The following PCSK6 variants were observed in gnomAD, a reference collection of about 807,000 sequenced individuals.
PCSK6 encodes paired basic amino acid cleaving enzyme 4.
In PCSK6, 85 loss-of-function variants were observed where a neutral mutation model predicts 123.3. The ratio of observed to expected loss-of-function variants is 0.69; its 90% CI spans 0.58 to 0.83. PCSK6 has a LOEUF of 0.83. Among genes scored for constraint, PCSK6 ranks in the 40% least tolerant of loss-of-function variants. The pLI is 0.00. For synonymous variants in PCSK6, 508 were observed against 516.0 expected (o/e 0.98, Z 0.21); for missense variants, 1,191 against 1,282.3 (o/e 0.93, Z 1.09).
At position 101,322,712 on chromosome 15, in the gene PCSK6, T is replaced by C. The variant is rs2040156269; in HGVS notation, c.2378-105A>G. The C allele has an allele frequency of 4.2e-6, 3 of 720,308 alleles. No individual in the cohort carries two copies. The East Asian group carries it at 8.0e-5, about 19-fold the overall frequency. 44.6% of individuals were successfully genotyped at this position (720,308 alleles called of 1,614,324 possible). On this transcript the variant is annotated intron_variant, in intron 17 of 21. Coordinates refer to ENST00000611716, the MANE Select transcript of PCSK6 (RefSeq NM_002570.5). ...TTTCAAAGCGGGGGTGCGGGTGGGCTGTTCCCCGAGTCCACCTCCGGAATG... is the reference window on the plus strand; with the variant it reads ...TTTCAAAGCGGGGGTGCGGGTGGGCCGTTCCCCGAGTCCACCTCCGGAATG...
At chr15:101,405,932 G>T (rs988800526) in intron 6 of PCSK6, among the ~76,000 whole-genome samples, 1 of 152,114 alleles carries the variant, frequency 6.6e-6, no homozygotes, top group Non-Finnish European at 1.5e-5. Flanking sequence ...TAGTAGAGAT[G>T]GGGCTTCGCC....
At chr15:101,428,109 C>A (rs1368816995) in intron 5 of PCSK6, 129 bp from the exon 6 acceptor site, 4 of 744,922 alleles carry the variant, frequency 5.4e-6, no homozygotes, top group Non-Finnish European at 8.9e-6. Context: ...AAGCCCATTT[C>A]CTGCATCCCC....
chr15:101,320,259 T>A (rs1476180878), intron 18 of PCSK6, among the ~76,000 whole-genome samples: 5 of 152,202 alleles, frequency 3.3e-5, no homozygotes, highest in Admixed American at 6.5e-5. Flanking sequence ...CTATTTTTTT[T>A]ATTTTTAGTA....
intron 11 of PCSK6, among the ~76,000 whole-genome samples, chr15:101,378,137 C>A (rs1260047843): frequency 6.6e-6 from 1 of 152,162 alleles, no homozygotes; most frequent in Non-Finnish European, 1.5e-5. Flanking sequence ...GCTTAATTTT[C>A]TTTTTCATTT....
intron 1 of PCSK6, among the ~76,000 whole-genome samples, chr15:101,447,076 TGC>T (rs2056911164): frequency 6.6e-6 from 1 of 152,176 alleles, no homozygotes; most frequent in South Asian, 2.1e-4. Flanking sequence ...CGGATGATGC[TGC>T]GTTTATGATA....
chr15:101,368,976 C>T (rs1010523895), intron 12 of PCSK6, among the ~76,000 whole-genome samples: 1 of 152,234 alleles, frequency 6.6e-6, no homozygotes, highest in African/African-American at 2.4e-5. Flanking sequence ...CTCCCACAGG[C>T]AGAGGCACAG....
intron 13 of PCSK6, among the ~76,000 whole-genome samples, chr15:101,345,429 T>C (rs903153435): frequency 2.0e-5 from 3 of 151,944 alleles, no homozygotes; most frequent in Non-Finnish European, 2.9e-5. Flanking sequence ...ATGAAGAAAA[T>C]AAAATCAAAC....
intron 13 of PCSK6, among the ~76,000 whole-genome samples, chr15:101,335,459 T>A (rs2040458009): frequency 6.6e-6 from 1 of 152,238 alleles, no homozygotes; most frequent in Non-Finnish European, 1.5e-5. Context: ...AATGCAAAAG[T>A]ATAAAAGTGC....
chr15:101,403,074 T>C (rs1365982974), intron 6 of PCSK6, among the ~76,000 whole-genome samples: 2 of 152,034 alleles, frequency 1.3e-5, no homozygotes, highest in Non-Finnish European at 1.5e-5. Flanking sequence ...ATATACGCCA[T>C]GGAATACTAT....
rs2056811211 is a variant in PCSK6 at position 101,443,562 on chromosome 15, G to T, written c.396C>A (p.Asp132Glu). The change falls in exon 2 of 22, where the codon GAC (aspartate) becomes GAA (glutamate). Residue 132 changes from aspartate (D) to glutamate (E), a missense_variant. Asp to Glu is a conservative substitution (Grantham distance 45). Transcript: ENST00000611716. ...GCATCCGGACACTCTGTACCTGGGG[G>T]TCCATTCTGAGGAAGGTGTGAGGGC... ...SRGPHTFLRM[D>E]PQVKWLQQQE... The T allele has an allele frequency of 1.2e-6, 2 of 1,610,306 alleles. No homozygotes were observed. Among genetic ancestry groups the T allele is most frequent in the Non-Finnish European group, 1.7e-6 (2 of 1,176,540 alleles).
intron 6 of PCSK6, among the ~76,000 whole-genome samples, chr15:101,426,174 G>A (rs1328467615): frequency 6.6e-6 from 1 of 152,216 alleles, no homozygotes; most frequent in Non-Finnish European, 1.5e-5. Context: ...CTCAGCAAGA[G>A]GGAAGGAGGA....
At chr15:101,369,058 T>A (rs1183926889) in intron 12 of PCSK6, among the ~76,000 whole-genome samples, 1 of 151,934 alleles carries the variant, frequency 6.6e-6, no homozygotes, top group Non-Finnish European at 1.5e-5. Context: ...GAATGTGGGA[T>A]GGGCTGAGCT....
intron 6 of PCSK6, among the ~76,000 whole-genome samples, chr15:101,423,144 G>C (rs1164054524): frequency 1.3e-5 from 2 of 152,046 alleles, no homozygotes; most frequent in Non-Finnish European, 2.9e-5. Flanking sequence ...ACATGTTAAA[G>C]AGTCTAGAAT....
In PCSK6 at chr15:101,342,300, G is replaced by C. The variant is rs1189945981; in HGVS notation, c.1859-10269C>G. Among the ~76,000 whole-genome samples the C allele has an allele frequency of 3.9e-5, 6 of 152,296 alleles. No homozygotes were observed. The East Asian group carries it at 1.2e-3, about 29-fold the overall frequency. Reference sequence around the variant, plus strand: ...ACTGTTATTAGATCCTTTTATCTGAGAAGTGTAAAGCTGTTCAATATTAAT... The same window carrying C: ...ACTGTTATTAGATCCTTTTATCTGACAAGTGTAAAGCTGTTCAATATTAAT... On this transcript the variant is annotated intron_variant, in intron 13 of 21. Transcript: ENST00000611716.
chr15:101,342,651 C>T (rs2040641234), intron 13 of PCSK6, among the ~76,000 whole-genome samples: 1 of 152,192 alleles, frequency 6.6e-6, no homozygotes, highest in African/African-American at 2.4e-5. Flanking sequence ...CCTGTAATCC[C>T]AGCACTTTGG....
In PCSK6 at chr15:101,489,366, G is replaced by T; in HGVS notation, c.297+8C>A. 1 of 1,183,962 alleles carries T rather than the reference G, an allele frequency of 8.4e-7. No homozygotes were observed. Among genetic ancestry groups the T allele is most frequent in the Non-Finnish European group, 1.1e-6 (1 of 951,914 alleles). The allele number at this position is 1,183,962 out of a possible 1,614,324, so 73.3% of individuals were successfully genotyped here. The stretch of plus-strand genomic sequence containing the variant: ...AAGTTTTGGGCGCGCGGGGCCGGCC[G>T]CACTCACCTGGCCCAAGTTGAGGTA... On this transcript the variant is annotated splice_region_variant and intron_variant, in intron 1 of 21. Coordinates refer to ENST00000611716, the MANE Select transcript of PCSK6 (RefSeq NM_002570.5).
chr15:101,488,494 G>C (rs1430520689), intron 1 of PCSK6, among the ~76,000 whole-genome samples: 1 of 152,208 alleles, frequency 6.6e-6, no homozygotes, highest in African/African-American at 2.4e-5. Context: ...GCCGAGGGCT[G>C]CGGGGCTGGG....
intron 16 of PCSK6, among the ~76,000 whole-genome samples, 174 bp downstream of exon 16, chr15:101,326,203 T>C (rs1241231040): frequency 1.3e-5 from 2 of 152,380 alleles, no homozygotes; most frequent in East Asian, 1.9e-4. Context: ...ACTTGCATGA[T>C]AGGAATGCCA....
chr15:101,489,375 T>C lies in PCSK6; in HGVS notation c.296A>G (p.Gln99Arg), dbSNP rs2058107692. The C allele has an allele frequency of 1.6e-6, 2 of 1,235,984 alleles. No homozygotes were observed. Among genetic ancestry groups the C allele is most frequent in the South Asian group, 1.6e-5 (1 of 60,796 alleles). The allele number at this position is 1,235,984 out of a possible 1,614,324, so 76.6% of individuals were successfully genotyped here. A position where few individuals can be genotyped will look rare whatever the true frequency, so the allele number is the denominator to read the frequency against. Residue 99 changes from glutamine to arginine, a missense_variant and splice_region_variant, in exon 1 of 22, where the codon CAG (glutamine) becomes CGG (arginine). Physicochemically the swap from Gln to Arg is conservative, Grantham distance 43. This residue lies in a region of PCSK6 where 204 missense variants were observed against 166.4 expected (regional missense o/e 1.23). Coordinates refer to ENST00000611716, the MANE Select transcript of PCSK6 (RefSeq NM_002570.5). Reference sequence around the variant, plus strand: ...GCGCGCGGGGCCGGCCGCACTCACCTGGCCCAAGTTGAGGTACCCGTGCGC... The same window carrying C: ...GCGCGCGGGGCCGGCCGCACTCACCCGGCCCAAGTTGAGGTACCCGTGCGC... The part of the protein sequence containing the change: ...AAAHGYLNLG[Q>R]IGNLEDYYHF...
Sources: allele counts gnomAD v4.1 joint callset (sites outside exome capture counted in the v4.1 genomes callset), GRCh38; gene constraint gnomAD v4.1.1; regional missense constraint gnomAD v4.1.1; transcripts MANE v1.5; gene names NCBI Gene and HGNC (gene_info 2026-07-23, HGNC 2026-07-21).